The following ACYP2 variants were observed in gnomAD, a reference collection of about 807,000 sequenced individuals.
ACYP2 encodes the protein acylphosphatase-2.
Under a neutral mutation model 11.2 loss-of-function variants are expected in ACYP2, and 12 were observed. The observed-to-expected ratio is 1.08, with a 90% confidence interval of 0.69 to 1.74. The LOEUF (loss-of-function observed/expected upper bound fraction) is 1.74, where lower values mean the gene tolerates loss of function less well. Ranked by LOEUF, ACYP2 falls within the 40% of genes most tolerant of loss-of-function variation. The pLI is 0.00. For missense variants in ACYP2, 134 were observed against 101.9 expected (o/e 1.31, Z -1.35); for synonymous variants, 43 against 32.2 (o/e 1.33, Z -1.13).
intron 6 of ACYP2, among the ~76,000 whole-genome samples, chr2:54,230,413 A>G (rs1195600703): frequency 6.6e-6 from 1 of 152,044 alleles, no homozygotes; most frequent in Non-Finnish European, 1.5e-5. Context: ...CTGGAGTCCA[A>G]TGGCGTGATC....
chr2:54,170,407 C>A (rs1400293088), intron 6 of ACYP2, among the ~76,000 whole-genome samples: 1 of 152,124 alleles, frequency 6.6e-6, no homozygotes, highest in Non-Finnish European at 1.5e-5. Context: ...CCTGCCTCCG[C>A]CTCCCAAAGT....
intron 2 of ACYP2, among the ~76,000 whole-genome samples, chr2:53,978,271 A>AG (rs1404589956): frequency 1.3e-5 from 2 of 152,052 alleles, no homozygotes; most frequent in African/African-American, 4.8e-5. Flanking sequence ...CAAAAAAAAA[A>AG]AAAAAAAGAA....
At chr2:54,278,048 G>A (rs1688684713) in intron 6 of ACYP2, among the ~76,000 whole-genome samples, 1 of 152,208 alleles carries the variant, frequency 6.6e-6, no homozygotes, top group East Asian at 1.9e-4. Context: ...GGCTCACTCG[G>A]CTCACTGCAA....
chr2:53,990,354 T>C (rs1235783095), intron 2 of ACYP2, among the ~76,000 whole-genome samples: 2 of 152,052 alleles, frequency 1.3e-5, no homozygotes, highest in African/African-American at 4.8e-5. Flanking sequence ...ATAGTTGATA[T>C]ATCAAGAATC....
chr2:53,998,838 A>G (rs1210647204), intron 2 of ACYP2, among the ~76,000 whole-genome samples: 1 of 152,110 alleles, frequency 6.6e-6, no homozygotes, highest in Non-Finnish European at 1.5e-5. Context: ...TTCCCTTCTA[A>G]TGCAAACTCA....
chr2:54,121,390 G>A (rs980860057), intron 4 of ACYP2, among the ~76,000 whole-genome samples: 5 of 152,160 alleles, frequency 3.3e-5, no homozygotes, highest in Non-Finnish European at 5.9e-5. Flanking sequence ...GACTCCACCT[G>A]GAACTGGCAA....
At chr2:54,129,354 A>T (rs1368321725) in intron 4 of ACYP2, among the ~76,000 whole-genome samples, 1 of 152,040 alleles carries the variant, frequency 6.6e-6, no homozygotes, top group Non-Finnish European at 1.5e-5. Context: ...GCTGATCTCG[A>T]ACTCCTGGGC....
chr2:53,995,037 A>G (rs965787161), intron 2 of ACYP2, among the ~76,000 whole-genome samples: 3 of 152,186 alleles, frequency 2.0e-5, no homozygotes, highest in African/African-American at 7.2e-5. Context: ...TCAGTGTCTC[A>G]TGAAAAGAAG....
In ACYP2 at chr2:54,254,957, C is replaced by T. The variant is rs1423931033; in HGVS notation, c.405-49731C>T. 2.0e-5 allele frequency: 32 copies of T among 1,613,664 alleles called. No homozygotes were observed. Among genetic ancestry groups the T allele is most frequent in the Non-Finnish European group, 2.6e-5 (31 of 1,179,898 alleles). ...AACCCAAAGGGCCTGGGGATCTCCA[C>T]TGGCTCCCTTACCAGGCGACGTCTA... On this transcript the variant is annotated intron_variant, in intron 6 of 6. Transcript: ENST00000607452.
intron 4 of ACYP2, among the ~76,000 whole-genome samples, chr2:54,134,302 A>G (rs1681096762): frequency 6.6e-6 from 1 of 152,094 alleles, no homozygotes; most frequent in South Asian, 2.1e-4. Context: ...TAAAATAAAT[A>G]AATAAGTAAG....
chr2:54,227,993 G>A (rs1294600091), intron 6 of ACYP2, among the ~76,000 whole-genome samples: 2 of 152,192 alleles, frequency 1.3e-5, no homozygotes, highest in Non-Finnish European at 1.5e-5. Flanking sequence ...AAGCCATGAT[G>A]ACAGAGTAGC....
chr2:54,182,552 G>C (rs1558593887), intron 6 of ACYP2, among the ~76,000 whole-genome samples: 1 of 152,016 alleles, frequency 6.6e-6, no homozygotes, highest in South Asian at 2.1e-4. Context: ...TGCCCAGGCT[G>C]GTCTTGAACT....
At chr2:53,987,265 G>C (rs1157735628) in intron 2 of ACYP2, among the ~76,000 whole-genome samples, 1 of 152,008 alleles carries the variant, frequency 6.6e-6, no homozygotes, top group African/African-American at 2.4e-5. Flanking sequence ...GTTACATGAG[G>C]GTGGTTAGTA....
At chr2:54,278,076 C>G (rs843712) in intron 6 of ACYP2, among the ~76,000 whole-genome samples, 58,984 of 152,032 alleles carry the variant, frequency 0.39, 12,766 homozygotes, top group Non-Finnish European at 0.49. Context: ...CTCCCAGGTT[C>G]ATGCCATTCT....
chr2:54,038,281 G>A (rs1291344753), intron 2 of ACYP2, among the ~76,000 whole-genome samples: 3 of 152,132 alleles, frequency 2.0e-5, no homozygotes, highest in African/African-American at 4.8e-5. Flanking sequence ...CAGCTTCTCT[G>A]TGAAGGCTTC....
intron 4 of ACYP2, among the ~76,000 whole-genome samples, chr2:54,062,420 T>C (rs544157148): frequency 1.6e-4 from 25 of 152,336 alleles, no homozygotes; most frequent in Non-Finnish European, 2.9e-4. Flanking sequence ...CACTGTGACA[T>C]TGAAAATAAG....
intron 2 of ACYP2, among the ~76,000 whole-genome samples, chr2:54,042,230 T>C (rs1675270315): frequency 6.6e-6 from 1 of 152,186 alleles, no homozygotes; most frequent in Non-Finnish European, 1.5e-5. Context: ...GGTCTCGAAC[T>C]CTCAACCTCA....
chr2:54,195,577 C>A (rs1684428555), intron 6 of ACYP2, among the ~76,000 whole-genome samples: 1 of 151,390 alleles, frequency 6.6e-6, no homozygotes, highest in East Asian at 1.9e-4. Context: ...TGCCATGTGG[C>A]CCCCGCAGCC....
chr2:54,183,965 A>G (rs374193056), intron 6 of ACYP2, among the ~76,000 whole-genome samples: 2 of 152,208 alleles, frequency 1.3e-5, no homozygotes, highest in South Asian at 4.1e-4. Context: ...AATGCGAGTT[A>G]TTTCTCTAGA....
Sources: allele counts gnomAD v4.1 joint callset (sites outside exome capture counted in the v4.1 genomes callset), GRCh38; gene constraint gnomAD v4.1.1; transcripts MANE v1.5; gene names NCBI Gene and HGNC (gene_info 2026-07-23, HGNC 2026-07-21).